Variants in GALNTL6 observed in about 807,000 individuals in gnomAD.
GALNTL6 encodes polypeptide N-acetylgalactosaminyltransferase like 6.
In GALNTL6, 46 loss-of-function variants were observed where a neutral mutation model predicts 73.7. That is an observed-to-expected ratio of 0.62 (90% CI 0.49 to 0.80). GALNTL6 has a LOEUF of 0.80. Ranked by LOEUF, GALNTL6 falls within the 30% of genes least tolerant of loss-of-function variation. The pLI is 0.00. For synonymous variants in GALNTL6, 259 were observed against 263.7 expected (o/e 0.98, Z 0.17); for missense variants, 604 against 755.0 (o/e 0.80, Z 2.34).
At chr4:172,651,039 T>C (rs1740453539) in intron 5 of GALNTL6, among the ~76,000 whole-genome samples, 1 of 152,186 alleles carries the variant, frequency 6.6e-6, no homozygotes, top group Admixed American at 6.6e-5. Flanking sequence ...ATGTTTAATA[T>C]ATAAACTGAT....
Position 172,067,849 on chromosome 4 carries a change from T to A in GALNTL6, c.139-161807T>A, listed in dbSNP as rs1372101685. Among the ~76,000 whole-genome samples, 4 of 110,392 alleles carry A rather than the reference T, an allele frequency of 3.6e-5. 1 individual carries two copies. The highest frequency in any genetic ancestry group is 1.4e-4 in the African/African-American group (4 of 29,244). 72.4% of individuals were successfully genotyped at this position (110,392 alleles called of 152,430 possible). A position where few individuals can be genotyped will look rare whatever the true frequency, so the allele number is the denominator to read the frequency against. ...GGTGAAAACAGAGCTTTCATTGGGC[T>A]GATTAGTTGAGCCATTGCATGTAGA... is the stretch of plus-strand genomic sequence containing the variant. On this transcript the variant is annotated intron_variant, in intron 2 of 12. Coordinates refer to ENST00000506823, the MANE Select transcript of GALNTL6 (RefSeq NM_001034845.3).
chr4:172,481,289 C>G (rs971070687), intron 5 of GALNTL6, among the ~76,000 whole-genome samples: 1 of 151,732 alleles, frequency 6.6e-6, no homozygotes, highest in East Asian at 1.9e-4. Flanking sequence ...TCGCAGGCCT[C>G]AGGAGTGAAG....
At chr4:171,971,603 G>A (rs999270584) in intron 2 of GALNTL6, among the ~76,000 whole-genome samples, 4 of 151,998 alleles carry the variant, frequency 2.6e-5, no homozygotes, top group South Asian at 2.1e-4. Flanking sequence ...AATTTGGCAT[G>A]CAGTCCTCTC....
chr4:172,766,104 G>T (rs775161750), intron 5 of GALNTL6, among the ~76,000 whole-genome samples: 1 of 152,102 alleles, frequency 6.6e-6, no homozygotes, highest in Non-Finnish European at 1.5e-5. Context: ...AAAGAGTCGG[G>T]CAAATGGAAT....
intron 2 of GALNTL6, among the ~76,000 whole-genome samples, chr4:172,025,499 A>G (rs1741540342): frequency 6.6e-6 from 1 of 152,030 alleles, no homozygotes; most frequent in Non-Finnish European, 1.5e-5. Flanking sequence ...AGAAATAATA[A>G]AAGATAGAAA....
intron 5 of GALNTL6, among the ~76,000 whole-genome samples, chr4:172,644,962 C>G (rs900096093): frequency 1.3e-5 from 2 of 151,956 alleles, no homozygotes; most frequent in South Asian, 4.1e-4. Flanking sequence ...TATTGAACAA[C>G]TTTTCATATG....
intron 3 of GALNTL6, among the ~76,000 whole-genome samples, chr4:172,260,962 C>T (rs556885652): frequency 3.0e-4 from 45 of 151,524 alleles, no homozygotes; most frequent in Middle Eastern, 3.4e-3. Flanking sequence ...TCCACTTGAT[C>T]GTGGTGTATT....
intron 8 of GALNTL6, among the ~76,000 whole-genome samples, chr4:172,921,516 C>T (rs1005560496): frequency 6.6e-6 from 1 of 152,152 alleles, no homozygotes; most frequent in South Asian, 2.1e-4. Context: ...AAATGCCAGG[C>T]CAGGCACAGT....
chr4:171,873,075 G>A (rs1291733785), intron 2 of GALNTL6, among the ~76,000 whole-genome samples: 3 of 152,114 alleles, frequency 2.0e-5, no homozygotes, highest in Non-Finnish European at 4.4e-5. Flanking sequence ...GTGCGCTCAA[G>A]GCCAGCATTT....
chr4:173,021,704 C>A, intron 12 of GALNTL6, 79 bp downstream of exon 12: 1 of 1,448,866 alleles, frequency 6.9e-7, no homozygotes, highest in South Asian at 1.2e-5. Flanking sequence ...TGAAAACACA[C>A]CGTTTTAGGC....
chr4:172,546,328 G>A (rs531681603), intron 5 of GALNTL6, among the ~76,000 whole-genome samples: 1 of 152,138 alleles, frequency 6.6e-6, no homozygotes, highest in Non-Finnish European at 1.5e-5. Context: ...GCTAGTTGAA[G>A]GGATATGATG....
At chr4:172,938,349 G>A (rs892380369) in intron 9 of GALNTL6, among the ~76,000 whole-genome samples, 5 of 152,118 alleles carry the variant, frequency 3.3e-5, no homozygotes, top group African/African-American at 1.2e-4. Flanking sequence ...ACCCCAAGTC[G>A]ATTAATAAAT....
rs79028852 is a variant in GALNTL6, at chr4:172,315,489, A to G, written c.386+3737A>G. On this transcript the variant is annotated intron_variant, in intron 4 of 12. Transcript: ENST00000506823. ...TGTTGGCCAGGCTAGTCCTGACCTCAGTCTGCCTGCCTTGGCCTCCCAAAG... is the reference window on the plus strand; with the variant it reads ...TGTTGGCCAGGCTAGTCCTGACCTCGGTCTGCCTGCCTTGGCCTCCCAAAG... Among the ~76,000 whole-genome samples the G allele has an allele frequency of 7.7e-3, 1,169 of 152,142 alleles. 15 individuals are homozygous for G. Among genetic ancestry groups the G allele is most frequent in the African/African-American group, 0.027 (1,118 of 41,516 alleles).
chr4:172,401,878 C>G (rs1041613906), intron 5 of GALNTL6, among the ~76,000 whole-genome samples: 1 of 141,234 alleles, frequency 7.1e-6, no homozygotes, highest in African/African-American at 2.6e-5. Context: ...TAGCATTGTG[C>G]CTTCCCTGGC....
intron 2 of GALNTL6, among the ~76,000 whole-genome samples, chr4:172,093,234 A>G (rs185621513): frequency 2.0e-5 from 3 of 152,268 alleles, no homozygotes; most frequent in Admixed American, 1.3e-4. Context: ...CTTTGACTAC[A>G]CACGATAAGA....
At chr4:172,731,941 C>G (rs1405141202) in intron 5 of GALNTL6, among the ~76,000 whole-genome samples, 1 of 151,864 alleles carries the variant, frequency 6.6e-6, no homozygotes, top group Non-Finnish European at 1.5e-5. Flanking sequence ...TTTGCACAGG[C>G]TTGTTTTGTG....
intron 8 of GALNTL6, among the ~76,000 whole-genome samples, chr4:172,893,499 A>G (rs1185570300): frequency 6.6e-6 from 1 of 152,184 alleles, no homozygotes; most frequent in East Asian, 1.9e-4. Context: ...GAAGGAGCCA[A>G]ACTACTCCCA....
intron 3 of GALNTL6, among the ~76,000 whole-genome samples, chr4:172,291,724 AC>A (rs1351170497): frequency 1.4e-5 from 2 of 147,922 alleles, no homozygotes; most frequent in Admixed American, 6.8e-5. Context: ...TTATCCCGCC[AC>A]CCCCCTCCCC....
At chr4:171,871,140 C>A (rs1736123258) in intron 2 of GALNTL6, among the ~76,000 whole-genome samples, 1 of 151,908 alleles carries the variant, frequency 6.6e-6, no homozygotes, top group Non-Finnish European at 1.5e-5. Flanking sequence ...ACAGTAGTCC[C>A]TTCTTATTTG....
Sources: allele counts gnomAD v4.1 joint callset (sites outside exome capture counted in the v4.1 genomes callset), GRCh38; gene constraint gnomAD v4.1.1; transcripts MANE v1.5; gene names NCBI Gene and HGNC (gene_info 2026-07-23, HGNC 2026-07-21).